Variants in SPOCK3 observed in about 807,000 individuals in gnomAD.
SPOCK3 encodes the protein SPARC (osteonectin), cwcv and kazal like domains proteoglycan 3.
In SPOCK3, 30 loss-of-function variants were observed where a neutral mutation model predicts 56.6. That is an observed-to-expected ratio of 0.53 (90% confidence interval 0.40 to 0.72). The LOEUF (loss-of-function observed/expected upper bound fraction) is 0.72, where lower values mean the gene tolerates loss of function less well. SPOCK3 is among the 30% of genes least tolerant of loss of function. SPOCK3 has a pLI of 0.00. For synonymous variants in SPOCK3, 196 were observed against 183.3 expected, an observed-to-expected ratio of 1.07 and a Z score of -0.56; for missense variants, 527 against 530.0, an observed-to-expected ratio of 0.99 and a Z score of 0.06.
chr4:166,856,812 A>ATCTATC (rs1560938571), intron 6 of SPOCK3, among the ~76,000 whole-genome samples: 8 of 87,892 alleles, frequency 9.1e-5, no homozygotes, highest in South Asian at 4.8e-4. Flanking sequence ...ATCTATCTAG[A>ATCTATC]TATCTAGATA....
At chr4:166,871,061 A>G (rs1236623517) in intron 6 of SPOCK3, among the ~76,000 whole-genome samples, 1 of 152,096 alleles carries the variant, frequency 6.6e-6, no homozygotes, top group Non-Finnish European at 1.5e-5. Context: ...ATCGTGAGTC[A>G]ATTGAACCTC....
chr4:166,750,878 T>C (rs1411466101), intron 8 of SPOCK3, among the ~76,000 whole-genome samples: 2 of 152,176 alleles, frequency 1.3e-5, no homozygotes, highest in Admixed American at 1.3e-4. Context: ...ATGGATAATA[T>C]AGAGTCAAAA....
At chr4:167,209,802 T>G (rs1734691496) in intron 2 of SPOCK3, among the ~76,000 whole-genome samples, 1 of 152,122 alleles carries the variant, frequency 6.6e-6, no homozygotes, top group Non-Finnish European at 1.5e-5. Context: ...TTTTTAAACC[T>G]TAGTGAATTT....
intron 2 of SPOCK3, among the ~76,000 whole-genome samples, chr4:167,109,538 A>G (rs1478709587): frequency 7.9e-6 from 1 of 126,252 alleles, no homozygotes; most frequent in Non-Finnish European, 1.6e-5. Flanking sequence ...TTATATAAAT[A>G]TAACTATATA....
intron 2 of SPOCK3, among the ~76,000 whole-genome samples, chr4:167,226,489 G>C (rs1334048984): frequency 6.6e-6 from 1 of 152,128 alleles, no homozygotes; most frequent in Non-Finnish European, 1.5e-5. Context: ...TGGAGACTGA[G>C]AATATTTTCA....
In SPOCK3 at chr4:166,946,542, G is replaced by A. The variant is rs142194124; in HGVS notation, c.351-33799C>T. 1.5e-3 allele frequency among the ~76,000 whole-genome samples: 231 copies of A among 152,210 alleles called. 2 individuals carry two copies. Among genetic ancestry groups the A allele is most frequent in the African/African-American group, 5.1e-3 (212 of 41,530 alleles). On this transcript the variant is annotated intron_variant, in intron 4 of 10. Transcript: ENST00000357545. The stretch of plus-strand genomic sequence containing the variant: ...AATACTCTTTCCCAGACAGCCAATC[G>A]ATTAGCTTCTTCAGTACTTCAAATC...
chr4:166,980,510 AC>A (rs1450094435), intron 4 of SPOCK3, among the ~76,000 whole-genome samples: 1 of 152,112 alleles, frequency 6.6e-6, no homozygotes, highest in African/African-American at 2.4e-5. Context: ...CATTCCACCC[AC>A]TCAGCCTGGC....
At chr4:167,131,793 A>C (rs1580388673) in intron 2 of SPOCK3, among the ~76,000 whole-genome samples, 1 of 152,210 alleles carries the variant, frequency 6.6e-6, no homozygotes, top group Non-Finnish European at 1.5e-5. Context: ...CAAAAGCTTG[A>C]ATAGAATTTT....
At chr4:167,014,344 T>C (rs1038320868) in intron 3 of SPOCK3, among the ~76,000 whole-genome samples, 1 of 151,342 alleles carries the variant, frequency 6.6e-6, no homozygotes, top group Non-Finnish European at 1.5e-5. Flanking sequence ...TAAAGAATAA[T>C]GAAACTAAGC....
chr4:166,850,487 C>T (rs757133361), intron 6 of SPOCK3, among the ~76,000 whole-genome samples: 30 of 152,326 alleles, frequency 2.0e-4, no homozygotes, highest in East Asian at 1.5e-3. Context: ...ATAGGAACAG[C>T]TCCCATCTAC....
chr4:166,903,285 C>T (rs1579594817), intron 5 of SPOCK3, among the ~76,000 whole-genome samples: 1 of 151,716 alleles, frequency 6.6e-6, no homozygotes. Context: ...TATATTGAGG[C>T]TTCCAAGTCT....
At chr4:167,128,320 T>C (rs1762449699) in intron 2 of SPOCK3, among the ~76,000 whole-genome samples, 1 of 152,204 alleles carries the variant, frequency 6.6e-6, no homozygotes, top group Admixed American at 6.5e-5. Flanking sequence ...CAAAGGCTTT[T>C]TACCCTTCAT....
chr4:167,043,176 T>A (rs956598642), intron 3 of SPOCK3, among the ~76,000 whole-genome samples: 1 of 152,122 alleles, frequency 6.6e-6, no homozygotes, highest in African/African-American at 2.4e-5. Context: ...TCTGCTTTTC[T>A]TATAGAAAGC....
At chr4:167,004,702 T>C (rs1389658886) in intron 3 of SPOCK3, among the ~76,000 whole-genome samples, 4 of 152,068 alleles carry the variant, frequency 2.6e-5, no homozygotes, top group Admixed American at 6.5e-5. Context: ...GGACACTGAT[T>C]CAATAGGGTC....
At chr4:167,046,450 C>CTTTTTTTTTTTTTTTTTTTTTTT (rs67108499) in intron 3 of SPOCK3, among the ~76,000 whole-genome samples, 10 of 53,704 alleles carry the variant, frequency 1.9e-4, no homozygotes, top group Non-Finnish European at 3.3e-4. Flanking sequence ...TTCTGATATT[C>CTTTTTTTTTTTTTTTTTTTTTTT]TTTTTTTTTT....
At chr4:167,054,936 T>A (rs569300774) in intron 3 of SPOCK3, among the ~76,000 whole-genome samples, 1 of 152,294 alleles carries the variant, frequency 6.6e-6, no homozygotes, top group East Asian at 1.9e-4. Context: ...AGGAGTTTTG[T>A]GCTGAGAATT....
chr4:166,936,468 G>A (rs1740418321), intron 4 of SPOCK3, among the ~76,000 whole-genome samples: 1 of 152,002 alleles, frequency 6.6e-6, no homozygotes, highest in Admixed American at 6.5e-5. Flanking sequence ...CTAGAAGTTT[G>A]TACATTTAAC....
At chr4:167,106,358 A>C (rs748700519) in intron 2 of SPOCK3, among the ~76,000 whole-genome samples, 7 of 151,984 alleles carry the variant, frequency 4.6e-5, no homozygotes, top group Non-Finnish European at 1.0e-4. Context: ...AACACATGGA[A>C]ATTAAACAAA....
chr4:166,861,842 A>G (rs1731277617), intron 6 of SPOCK3, among the ~76,000 whole-genome samples: 1 of 152,064 alleles, frequency 6.6e-6, no homozygotes, highest in South Asian at 2.1e-4. Context: ...AATTTTTTCA[A>G]CATTTGTCTG....
Sources: allele counts gnomAD v4.1 joint callset (sites outside exome capture counted in the v4.1 genomes callset), GRCh38; gene constraint gnomAD v4.1.1; transcripts MANE v1.5; gene names NCBI Gene and HGNC (gene_info 2026-07-23, HGNC 2026-07-21).